The following KCNN1 variants were observed in gnomAD, a reference collection of about 807,000 sequenced individuals.
KCNN1 encodes the protein potassium calcium-activated channel subfamily N member 1.
A neutral mutation model predicts 44.7 loss-of-function variants in KCNN1; 20 were observed. The observed-to-expected ratio is 0.45, with a 90% confidence interval of 0.32 to 0.65. The LOEUF (loss-of-function observed/expected upper bound fraction) is 0.65. KCNN1 is among the 30% of genes least tolerant of loss of function. KCNN1 has a pLI of 0.05. For synonymous variants in KCNN1, 324 were observed against 341.7 expected, an observed-to-expected ratio of 0.95 and a Z score of 0.57; for missense variants, 632 against 785.3, an observed-to-expected ratio of 0.80 and a Z score of 2.33.
intron 3 of KCNN1, among the ~76,000 whole-genome samples, chr19:17,976,132 G>A (rs751852273): frequency 1.8e-4 from 27 of 152,122 alleles, no homozygotes; most frequent in Admixed American, 5.9e-4. Context: ...CTTGGTCAAC[G>A]TGGTGAAACT....
chr19:17,974,201 C>T lies in KCNN1; in HGVS notation c.313C>T (p.Arg105Cys), dbSNP rs1167447504. 1.1e-5 allele frequency: 18 copies of T among 1,612,988 alleles called. No homozygotes were observed. The highest frequency in any genetic ancestry group is 1.3e-5 in the Non-Finnish European group (15 of 1,179,712). The change falls in exon 2 of 10, where the codon CGC becomes TGC. Residue 105 changes from arginine to cysteine, a missense_variant. Coordinates refer to ENST00000684775, the MANE Select transcript of KCNN1 (RefSeq NM_001386974.1). This position sits in a 1 kb window ranked among gnomAD's most constrained non-coding sequence, Gnocchi z 7.3. Reference protein sequence around the residue: ...HRRALFEKRKRLSDYALIFGM... With the variant: ...HRRALFEKRKCLSDYALIFGM... ...GCGGGCGCTCTTCGAGAAGCGGAAG[C>T]GCCTCAGCGACTATGCCCTCATTTT...
At chr19:17,957,214 G>A (rs1211138655) in intron 2 of KCNN1, among the ~76,000 whole-genome samples, 1 of 101,038 alleles carries the variant, frequency 9.9e-6, no homozygotes, top group Non-Finnish European at 2.1e-5. Flanking sequence ...GAGAGGAGAG[G>A]GGAGGGGAGG....
chr19:17,996,422 A>C (rs1043787842), intron 9 of KCNN1, among the ~76,000 whole-genome samples: 2 of 152,108 alleles, frequency 1.3e-5, no homozygotes, highest in Admixed American at 1.3e-4. Context: ...CCTGGCCAAC[A>C]TGGTGAAACT....
chr19:17,974,739 G>C lies in KCNN1; in HGVS notation c.403-353G>C, dbSNP rs1169527292. Among the ~76,000 whole-genome samples, 5 of 152,212 alleles carry C rather than the reference G, an allele frequency of 3.3e-5. No individual in the cohort carries two copies. Among genetic ancestry groups the C allele is most frequent in the Non-Finnish European group, 5.9e-5 (4 of 68,024 alleles). On this transcript the variant is annotated intron_variant, in intron 2 of 9. Transcript: ENST00000684775. The surrounding 1 kb of genome is among the most constrained non-coding windows in gnomAD (Gnocchi z 7.3). Reference sequence around the variant, plus strand: ...CTGTAAACTCTGAAGTGCCGAGGCTGGATGAGGTCCGGCCTTGTGAACTGT... The same window carrying C: ...CTGTAAACTCTGAAGTGCCGAGGCTCGATGAGGTCCGGCCTTGTGAACTGT...
upstream of KCNN1, chr19:17,967,044 C>T: frequency 1.1e-6 from 1 of 879,526 alleles, no homozygotes; most frequent in Non-Finnish European, 1.4e-6. Flanking sequence ...CGGTGCCAAC[C>T]CGGGCTCGGC....
intron 5 of KCNN1, among the ~76,000 whole-genome samples, chr19:17,986,663 T>C (rs1241475350): frequency 6.6e-6 from 1 of 152,214 alleles, no homozygotes; most frequent in Non-Finnish European, 1.5e-5. Context: ...TTCCATGTTT[T>C]ATTTTTATGT....
chr19:17,952,838 C>T (rs2031448131), intron 1 of KCNN1, among the ~76,000 whole-genome samples: 1 of 152,140 alleles, frequency 6.6e-6, no homozygotes, highest in Non-Finnish European at 1.5e-5. Flanking sequence ...TAAGCTCCCT[C>T]CCTTCCCCCC....
At chr19:17,991,401 T>G (rs1387081962) in intron 7 of KCNN1, among the ~76,000 whole-genome samples, 1 of 151,932 alleles carries the variant, frequency 6.6e-6, no homozygotes, top group Admixed American at 6.6e-5. Context: ...CAGCGAGCTG[T>G]GATTGCGCCA....
intron 7 of KCNN1, 146 bp from the exon 8 acceptor site, chr19:17,992,908 G>A (rs978817414): frequency 3.4e-5 from 33 of 980,130 alleles, no homozygotes; most frequent in Middle Eastern, 2.1e-4. Context: ...CCAGAGCAAC[G>A]GCAGCCCCTC....
At chr19:17,975,590 T>C (rs1599358697) in intron 3 of KCNN1, among the ~76,000 whole-genome samples, 1 of 151,914 alleles carries the variant, frequency 6.6e-6, no homozygotes, top group Non-Finnish European at 1.5e-5. Context: ...CTTGCTAATT[T>C]TTGTATTTCT....
intron 3 of KCNN1, among the ~76,000 whole-genome samples, chr19:17,978,388 G>A (rs1490670173): frequency 6.8e-6 from 1 of 146,606 alleles, no homozygotes; most frequent in Non-Finnish European, 1.5e-5. Context: ...GCCTTCCAAA[G>A]TGCTGGGATT....
rs1214284509 is a variant in KCNN1 at position 17,999,724 on chromosome 19, G to A, written c.*1318G>A. ...GCAGATGCTGAGCCCTGGGTGGGGC[G>A]AGGAGGCCTGGCTCCTGGGGAGACG... On this transcript the variant is annotated 3_prime_UTR_variant, in exon 10 of 10. Coordinates refer to ENST00000684775, the MANE Select transcript of KCNN1 (RefSeq NM_001386974.1). 6 of 298,982 alleles carry A rather than the reference G, an allele frequency of 2.0e-5. No individual in the cohort carries two copies. The highest frequency in any genetic ancestry group is 5.7e-5 in the South Asian group (2 of 35,290). 18.5% of individuals were successfully genotyped at this position (298,982 alleles called of 1,614,324 possible). A position where few individuals can be genotyped will look rare whatever the true frequency, so the allele number is the denominator to read the frequency against.
chr19:17,996,959 G>T (rs758293094), intron 9 of KCNN1, among the ~76,000 whole-genome samples: 4 of 152,214 alleles, frequency 2.6e-5, no homozygotes, highest in Non-Finnish European at 5.9e-5. Context: ...GCCGCCGCGG[G>T]GTGGCAAACC....
intron 2 of KCNN1, among the ~76,000 whole-genome samples, chr19:17,960,546 C>G (rs1279101401): frequency 6.6e-6 from 1 of 152,158 alleles, no homozygotes; most frequent in East Asian, 1.9e-4. Flanking sequence ...AGGAGAATCG[C>G]TTGAACGTGG....
chr19:17,983,689 C>T lies in KCNN1; in HGVS notation c.917+1562C>T, dbSNP rs1314675767. ...GCCCCCTTGCCTGCCTCGCTCTGAC[C>T]CACCCCCGCCTCCCGCATGTCCCCC... On this transcript the variant is annotated intron_variant, in intron 4 of 9. Coordinates refer to ENST00000684775, the MANE Select transcript of KCNN1 (RefSeq NM_001386974.1). The surrounding 1 kb of genome is among the most constrained non-coding windows in gnomAD (Gnocchi z 4.5). Among the ~76,000 whole-genome samples, 1 of 152,030 alleles carries T rather than the reference C, an allele frequency of 6.6e-6. No individual in the cohort carries two copies. The highest frequency in any genetic ancestry group is 1.5e-5 in the Non-Finnish European group (1 of 67,976).
upstream of KCNN1, among the ~76,000 whole-genome samples, chr19:17,962,875 G>C (rs2031713942): frequency 6.6e-6 from 1 of 151,150 alleles, no homozygotes; most frequent in South Asian, 2.1e-4. Flanking sequence ...CTAATTTTTT[G>C]TATTTTTAGT....
chr19:17,981,833 C>T lies in KCNN1; in HGVS notation c.623C>T (p.Thr208Met), dbSNP rs767047963. ...CCGGTGCCCGGCCACTACCGCTTCA[C>T]GTGGACGGCGCGGCTGGCCTTCACG... ...IHPVPGHYRF[T>M]WTARLAFTYA... is the part of the protein sequence containing the mutation. Residue 208 changes from threonine (T) to methionine (M), a missense_variant, in exon 4 of 10, where the codon ACG (threonine) becomes ATG (methionine). By Grantham distance (81) the Thr-to-Met change is moderately conservative. Around this residue, in one of 3 missense-constraint regions of KCNN1, gnomAD observed 160 missense variants for 308.3 expected, o/e 0.52. Coordinates refer to ENST00000684775, the MANE Select transcript of KCNN1 (RefSeq NM_001386974.1). The T allele has an allele frequency of 5.6e-6, 9 of 1,613,018 alleles. No homozygotes were observed. The highest frequency in any genetic ancestry group is 6.8e-6 in the Non-Finnish European group (8 of 1,179,468).
chr19:17,994,763 C>A (rs185303686), intron 9 of KCNN1, among the ~76,000 whole-genome samples: 1 of 152,166 alleles, frequency 6.6e-6, no homozygotes, highest in African/African-American at 2.4e-5. Flanking sequence ...AGCCTGGTCT[C>A]GAACTCCTGA....
At chr19:17,968,798 C>G (rs2031911030) in intron 1 of KCNN1, among the ~76,000 whole-genome samples, 1 of 152,204 alleles carries the variant, frequency 6.6e-6, no homozygotes, top group Admixed American at 6.5e-5. Context: ...CTCTCATGAC[C>G]AGACAGAGTA....
Sources: gnomAD v4.1 joint callset for allele counts (sites outside exome capture counted in the v4.1 genomes callset) on GRCh38, gnomAD v4.1.1 for gene constraint, gnomAD v4.1.1 regional missense constraint, Gnocchi (gnomAD v3.1) non-coding constraint, MANE v1.5 for transcripts, NCBI Gene and HGNC (gene_info 2026-07-23, HGNC 2026-07-21) for gene names.